The following ARHGEF26 variants were observed in gnomAD, a reference collection of about 807,000 sequenced individuals.
ARHGEF26 encodes Rho guanine nucleotide exchange factor 26.
A neutral mutation model predicts 89.4 loss-of-function variants in ARHGEF26; 59 were observed. The ratio of observed to expected loss-of-function variants is 0.66; its 90% CI spans 0.54 to 0.82. The LOEUF is 0.82. ARHGEF26 is among the 40% of genes least tolerant of loss of function. The pLI is 0.00. For synonymous variants in ARHGEF26, 500 were observed against 428.4 expected, an observed-to-expected ratio of 1.17 and a Z score of -2.06; for missense variants, 1,234 against 1,085.6, an observed-to-expected ratio of 1.14 and a Z score of -1.92.
At chr3:154,142,757 C>G (rs1202209946) in intron 4 of ARHGEF26, among the ~76,000 whole-genome samples, 1 of 152,202 alleles carries the variant, frequency 6.6e-6, no homozygotes, top group African/African-American at 2.4e-5. Context: ...CCTTCCTTAA[C>G]CCCTTGACTC....
Position 154,240,549 on chromosome 3 carries a change from A to G in ARHGEF26, c.2270A>G (p.Lys757Arg). Residue 757 changes from lysine to arginine, a missense_variant, in exon 12 of 15, where the codon AAA becomes AGA. Physicochemically the swap from Lys to Arg is conservative, Grantham distance 26 (BLOSUM62 2). Transcript: ENST00000465093. ...LTVLSNHANE[K>R]VEMLLGAETQ... ...GTCCTTAGTAACCACGCGAATGAGA[A>G]AGTGGAGATGCTACTAGGAGCTGAG... 6.2e-7 allele frequency: 1 copy of G among 1,612,364 alleles called. No homozygotes were observed. Among genetic ancestry groups the G allele is most frequent in the Non-Finnish European group, 8.5e-7 (1 of 1,179,146 alleles).
Position 154,165,567 on chromosome 3 carries a change from A to G in ARHGEF26, c.1487+12635A>G, listed in dbSNP as rs1711965535. On this transcript the variant is annotated intron_variant, in intron 6 of 14. Transcript: ENST00000465093. ...TGGAGAAACTTGCCTGCCTTTATCT[A>G]TTTTATTCCAGACTTTCCTGGCATG... is the stretch of plus-strand genomic sequence containing the variant. Among the ~76,000 whole-genome samples the G allele has an allele frequency of 2.0e-5, 3 of 152,132 alleles. No homozygotes were observed. In the South Asian group the frequency reaches 6.2e-4, roughly 32 times the overall value.
intron 9 of ARHGEF26, among the ~76,000 whole-genome samples, chr3:154,198,600 C>G (rs1394338413): frequency 6.6e-6 from 1 of 152,038 alleles, no homozygotes; most frequent in East Asian, 1.9e-4. Flanking sequence ...AGTTGGAGAC[C>G]GTTATTCTAA....
At chr3:154,187,595 C>T (rs1713659079) in intron 6 of ARHGEF26, 90 bp from the exon 7 acceptor site, 1 of 1,162,636 alleles carries the variant, frequency 8.6e-7, no homozygotes, top group East Asian at 2.6e-5. Context: ...AATTTTCAAA[C>T]CCCGTGTAAT....
chr3:154,214,710 A>G (rs1219230090), intron 9 of ARHGEF26, among the ~76,000 whole-genome samples: 2 of 152,188 alleles, frequency 1.3e-5, no homozygotes, highest in Non-Finnish European at 2.9e-5. Context: ...CACATTCCCC[A>G]GGAGAAGTCA....
chr3:154,130,353 C>T (rs1718612028), intron 4 of ARHGEF26, among the ~76,000 whole-genome samples: 1 of 152,122 alleles, frequency 6.6e-6, no homozygotes, highest in South Asian at 2.1e-4. Context: ...ATTGGCCAGG[C>T]TGGTCTTGAA....
chr3:154,255,922 TG>T lies in ARHGEF26; in HGVS notation c.*450del. On this transcript the variant is annotated 3_prime_UTR_variant, in exon 15 of 15. Coordinates refer to ENST00000465093, the MANE Select transcript of ARHGEF26 (RefSeq NM_015595.4). ...ATGTCCAGTTTTGTAAATATTTCCC[TG>T]CCTTTTTTTTTCTTTTTTTACATCT... 1 of 987,662 alleles carries T rather than the reference TG, an allele frequency of 1.0e-6. No individual in the cohort carries two copies. The highest frequency in any genetic ancestry group is 1.2e-6 in the Non-Finnish European group (1 of 831,336). The allele number at this position is 987,662 out of a possible 1,614,324, so 61.2% of individuals were successfully genotyped here.
intron 6 of ARHGEF26, among the ~76,000 whole-genome samples, chr3:154,171,552 C>A (rs1225831848): frequency 2.0e-5 from 3 of 152,160 alleles, no homozygotes; most frequent in African/African-American, 7.2e-5. Context: ...CCCCTGACAA[C>A]CAGTGATCTT....
At chr3:154,179,105 T>C (rs1713022050) in intron 6 of ARHGEF26, among the ~76,000 whole-genome samples, 1 of 152,200 alleles carries the variant, frequency 6.6e-6, no homozygotes, top group Non-Finnish European at 1.5e-5. Context: ...ATTATACAAG[T>C]CAGTGATTAT....
At chr3:154,124,916 C>T (rs1254121834) in intron 3 of ARHGEF26, among the ~76,000 whole-genome samples, 2 of 151,944 alleles carry the variant, frequency 1.3e-5, no homozygotes, top group African/African-American at 2.4e-5. Flanking sequence ...TCTAACTCTC[C>T]TGGCTGACAA....
intron 6 of ARHGEF26, among the ~76,000 whole-genome samples, chr3:154,184,312 C>G (rs1713381463): frequency 1.3e-5 from 2 of 152,176 alleles, no homozygotes; most frequent in African/African-American, 4.8e-5. Context: ...ATTTGCATTA[C>G]AAAACAGTTG....
At chr3:154,132,641 C>T (rs898118264) in intron 4 of ARHGEF26, among the ~76,000 whole-genome samples, 1 of 152,088 alleles carries the variant, frequency 6.6e-6, no homozygotes, top group East Asian at 1.9e-4. Flanking sequence ...TATCTGACCC[C>T]TCCTGGTAGT....
chr3:154,219,909 G>A (rs867122538), intron 10 of ARHGEF26, among the ~76,000 whole-genome samples: 40 of 65,772 alleles, frequency 6.1e-4, no homozygotes, highest in Middle Eastern at 9.8e-3. Context: ...GCGAGACTCC[G>A]TCTCAAAAAA....
chr3:154,156,077 TTCTG>T (rs1169033393), intron 6 of ARHGEF26, among the ~76,000 whole-genome samples: 2 of 151,978 alleles, frequency 1.3e-5, no homozygotes, highest in Non-Finnish European at 2.9e-5. Flanking sequence ...TTATTTTAAT[TTCTG>T]TCTGTGTACT....
At chr3:154,192,553 C>T (rs930173264) in intron 8 of ARHGEF26, among the ~76,000 whole-genome samples, 1 of 152,142 alleles carries the variant, frequency 6.6e-6, no homozygotes, top group Non-Finnish European at 1.5e-5. Flanking sequence ...GAACTTCCCC[C>T]CTGTGTACAT....
At chr3:154,121,240 G>C (rs1175164520), upstream of ARHGEF26, 3 of 152,260 alleles carry the variant, frequency 2.0e-5, no homozygotes, top group African/African-American at 7.2e-5. Flanking sequence ...GCTCAGGTGC[G>C]CTCGTCGGTT....
chr3:154,205,413 G>T (rs116119816), intron 9 of ARHGEF26, among the ~76,000 whole-genome samples: 1,609 of 152,098 alleles, frequency 0.011, 22 homozygotes, highest in African/African-American at 0.037. Context: ...TAGGTAAAGT[G>T]TGTTTCTTGT....
intron 6 of ARHGEF26, among the ~76,000 whole-genome samples, chr3:154,158,940 A>G (rs545915718): frequency 1.3e-5 from 2 of 152,208 alleles, no homozygotes; most frequent in Admixed American, 6.6e-5. Flanking sequence ...TCTAACACCA[A>G]TTGTTTTTAA....
rs1717425993 is a variant in ARHGEF26 at position 154,240,525 on chromosome 3, T to A, written c.2246T>A (p.Val749Asp). Residue 749 changes from valine to aspartate, a missense_variant, in exon 12 of 15, where the codon GTC becomes GAC. By Grantham distance (152) the Val-to-Asp change is radical. Transcript: ENST00000465093. ...GCCAGTCACCTCTTTACTCTGACAG[T>A]CCTTAGTAACCACGCGAATGAGAAA... ...SSASHLFTLT[V>D]LSNHANEKVE... 2.5e-6 allele frequency: 4 copies of A among 1,613,060 alleles called. 1 individual carries two copies. Among genetic ancestry groups the A allele is most frequent in the Middle Eastern group, 3.3e-4 (2 of 6,078 alleles).
Sources: gnomAD v4.1 joint callset for allele counts (sites outside exome capture counted in the v4.1 genomes callset) on GRCh38, gnomAD v4.1.1 for gene constraint, MANE v1.5 for transcripts, NCBI Gene and HGNC (gene_info 2026-07-23, HGNC 2026-07-21) for gene names.